CNTN3: variants seen among roughly 807,000 people sequenced by gnomAD.
The protein encoded by CNTN3 is contactin-3.
CNTN3 carries 60 observed loss-of-function variants against 119.1 expected under a neutral mutation model. That is an observed-to-expected ratio of 0.50 (90% confidence interval 0.41 to 0.62). CNTN3 has a LOEUF of 0.62. CNTN3 is among the 20% of genes least tolerant of loss of function. The pLI, the probability that CNTN3 is intolerant of heterozygous loss-of-function variation, is 0.00. For missense variants in CNTN3, 1,101 were observed against 1,242.4 expected, an observed-to-expected ratio of 0.89 and a Z score of 1.71; for synonymous variants, 450 against 438.7, an observed-to-expected ratio of 1.03 and a Z score of -0.32.
intron 11 of CNTN3, among the ~76,000 whole-genome samples, chr3:74,352,518 C>T (rs973648520): frequency 1.2e-4 from 18 of 152,172 alleles, no homozygotes; most frequent in Non-Finnish European, 1.2e-4. Context: ...TCCATGGTCA[C>T]CTTAATCGTA....
At chr3:74,358,856 C>T (rs1358905801) in intron 11 of CNTN3, among the ~76,000 whole-genome samples, 19 of 146,032 alleles carry the variant, frequency 1.3e-4, no homozygotes, top group South Asian at 6.5e-4. Context: ...TGAGAATATG[C>T]GGTGTTTGGT....
At chr3:74,430,653 A>T (rs28413769) in intron 4 of CNTN3, among the ~76,000 whole-genome samples, 6,459 of 151,944 alleles carry the variant, frequency 0.043, 292 homozygotes, top group African/African-American at 0.12. Flanking sequence ...GAGATAGGGG[A>T]GTGTCGTTAT....
At chr3:74,379,189 T>G (rs937610750) in intron 5 of CNTN3, among the ~76,000 whole-genome samples, 1 of 152,154 alleles carries the variant, frequency 6.6e-6, no homozygotes, top group Non-Finnish European at 1.5e-5. Context: ...AGAGTCTTGG[T>G]CTGTTGCCCA....
intron 1 of CNTN3, among the ~76,000 whole-genome samples, chr3:74,543,734 T>G (rs994662528): frequency 4.6e-5 from 7 of 152,016 alleles, no homozygotes; most frequent in African/African-American, 1.7e-4. Context: ...ATGAGCAATA[T>G]ATAGTCAAAC....
intron 4 of CNTN3, among the ~76,000 whole-genome samples, chr3:74,435,420 A>G (rs1701850388): frequency 6.6e-6 from 1 of 152,048 alleles, no homozygotes; most frequent in Non-Finnish European, 1.5e-5. Context: ...CAAGCAATCC[A>G]CCTGTCTCAG....
intron 1 of CNTN3, among the ~76,000 whole-genome samples, chr3:74,566,068 T>C (rs978254433): frequency 6.6e-6 from 1 of 152,314 alleles, no homozygotes; most frequent in East Asian, 1.9e-4. Flanking sequence ...TCCCCAGCCA[T>C]GTGGAACTAT....
At chr3:74,319,341 GA>G (rs1317950943) in intron 13 of CNTN3, among the ~76,000 whole-genome samples, 2 of 152,112 alleles carry the variant, frequency 1.3e-5, no homozygotes, top group African/African-American at 4.8e-5. Flanking sequence ...GAATAGAACA[GA>G]GCCCTCAGAA....
At chr3:74,301,377 C>T (rs1702450409) in intron 16 of CNTN3, 21 bp downstream of exon 16, 4 of 1,608,522 alleles carry the variant, frequency 2.5e-6, no homozygotes, top group Middle Eastern at 1.7e-4. Flanking sequence ...TAATCCATTA[C>T]TCAGAAAAAA....
At chr3:74,603,965 GA>G (rs904366233) in intron 1 of CNTN3, among the ~76,000 whole-genome samples, 62 of 152,186 alleles carry the variant, frequency 4.1e-4, no homozygotes, top group African/African-American at 1.4e-3. Flanking sequence ...CATCAAAACA[GA>G]ACGCATATCC....
At chr3:74,288,159 C>CTTTTCTTTTCTTTTTTTTTTTT (rs1487942663) in intron 19 of CNTN3, among the ~76,000 whole-genome samples, 1 of 90,378 alleles carries the variant, frequency 1.1e-5, no homozygotes, top group African/African-American at 3.4e-5. Flanking sequence ...CTTTTCTTTT[C>CTTTTCTTTTCTTTTTTTTTTTT]TTTTTTTTTT....
At chr3:74,295,085 A>G in intron 19 of CNTN3, 36 bp downstream of exon 19, 1 of 1,356,326 alleles carries the variant, frequency 7.4e-7, no homozygotes, top group South Asian at 1.2e-5. Context: ...GTGGCACGGT[A>G]ACACACATAC....
At chr3:74,304,605 A>G (rs183751352) in intron 13 of CNTN3, among the ~76,000 whole-genome samples, 19 of 152,310 alleles carry the variant, frequency 1.2e-4, no homozygotes, top group African/African-American at 4.3e-4. Flanking sequence ...TTTTAGGCAC[A>G]ATGGCTGGCT....
At chr3:74,455,017 C>CAAA (rs1559611655) in intron 4 of CNTN3, among the ~76,000 whole-genome samples, 6 of 151,966 alleles carry the variant, frequency 3.9e-5, no homozygotes, top group Non-Finnish European at 8.8e-5. Context: ...GTATCTTTGT[C>CAAA]GTGTTCTCTT....
intron 22 of CNTN3, among the ~76,000 whole-genome samples, chr3:74,264,974 C>T (rs1369851576): frequency 6.6e-6 from 1 of 152,062 alleles, no homozygotes; most frequent in Non-Finnish European, 1.5e-5. Flanking sequence ...TGTTCATCTA[C>T]TATTATTTAA....
chr3:74,574,980 G>C (rs1391881208), intron 1 of CNTN3, among the ~76,000 whole-genome samples: 1 of 151,002 alleles, frequency 6.6e-6, no homozygotes, highest in Non-Finnish European at 1.5e-5. Context: ...CTGGAGTACA[G>C]TGGTACAATT....
chr3:74,459,036 C>T (rs1351340963), intron 4 of CNTN3, among the ~76,000 whole-genome samples: 4 of 151,982 alleles, frequency 2.6e-5, no homozygotes, highest in Non-Finnish European at 4.4e-5. Context: ...GAATTACCTG[C>T]TTCATGTGAA....
chr3:74,286,056 G>C (rs1453217496), intron 19 of CNTN3, among the ~76,000 whole-genome samples: 1 of 151,886 alleles, frequency 6.6e-6, no homozygotes, highest in African/African-American at 2.4e-5. Flanking sequence ...TGAAAGAACA[G>C]ACTATCTCTA....
chr3:74,580,872 T>C (rs1704494296), intron 1 of CNTN3, among the ~76,000 whole-genome samples: 1 of 152,062 alleles, frequency 6.6e-6, no homozygotes. Context: ...ACGTGCACCA[T>C]CACAATCAAC....
At chr3:74,424,526 A>G (rs960396000) in intron 5 of CNTN3, among the ~76,000 whole-genome samples, 2 of 151,404 alleles carry the variant, frequency 1.3e-5, no homozygotes, top group African/African-American at 2.4e-5. Context: ...GCAAAGATCC[A>G]GTTTGACATG....
Sources: allele counts gnomAD v4.1 joint callset (sites outside exome capture counted in the v4.1 genomes callset), GRCh38; gene constraint gnomAD v4.1.1; transcripts MANE v1.5; gene names NCBI Gene and HGNC (gene_info 2026-07-23, HGNC 2026-07-21).